The following CIT variants were observed in gnomAD, a reference collection of about 807,000 sequenced individuals.
CIT encodes the protein citron Rho-interacting kinase.
In CIT, 79 loss-of-function variants were observed where a neutral mutation model predicts 272.7. That is an observed-to-expected ratio of 0.29 (90% CI 0.24 to 0.35). CIT has a LOEUF of 0.35. CIT is among the 10% of genes least tolerant of loss of function. The probability of loss-of-function intolerance (pLI) is 1.00; values close to 1 mark genes in which losing one functional copy is unlikely to be tolerated. For synonymous variants in CIT, 948 were observed against 995.6 expected, an observed-to-expected ratio of 0.95 and a Z score of 0.90; for missense variants, 1,909 against 2,618.3, an observed-to-expected ratio of 0.73 and a Z score of 5.91.
intron 4 of CIT, among the ~76,000 whole-genome samples, chr12:119,855,289 G>A (rs1376139525): frequency 2.0e-5 from 3 of 152,020 alleles, no homozygotes; most frequent in Non-Finnish European, 4.4e-5. Context: ...CGGGCATTGT[G>A]GCAGGCGCCT....
intron 26 of CIT, among the ~76,000 whole-genome samples, chr12:119,732,712 A>T (rs278107): frequency 0.31 from 46,606 of 152,118 alleles, 7,648 homozygotes; most frequent in African/African-American, 0.4. Context: ...GCCAAGCAAA[A>T]GTGAGAGATA....
chr12:119,689,665 TC>T (rs1565887359), intron 47 of CIT, among the ~76,000 whole-genome samples: 2 of 127,144 alleles, frequency 1.6e-5, no homozygotes, highest in African/African-American at 3.1e-5. Context: ...CTTAGGAAGC[TC>T]TTTTTTTTTT....
chr12:119,792,283 T>C (rs1008694308), intron 10 of CIT, among the ~76,000 whole-genome samples: 3 of 152,146 alleles, frequency 2.0e-5, no homozygotes, highest in African/African-American at 7.2e-5. Flanking sequence ...ATGAGTATAC[T>C]TGAAGCCAAA....
At chr12:119,733,099 T>C (rs1047630540) in intron 26 of CIT, among the ~76,000 whole-genome samples, 7 of 152,072 alleles carry the variant, frequency 4.6e-5, no homozygotes, top group African/African-American at 1.2e-4. Flanking sequence ...CTTAGAACTA[T>C]GGAGTATGCA....
At chr12:119,716,378 C>CAAAAAAAAAAAAAAAAA in intron 32 of CIT, among the ~76,000 whole-genome samples, 1 of 17,804 alleles carries the variant, frequency 5.6e-5, no homozygotes, top group Non-Finnish European at 9.9e-5. Context: ...GACTCTGTCT[C>CAAAAAAAAAAAAAAAAA]AAAAAAAAAA....
At position 119,697,628 on chromosome 12, in the gene CIT, CT is replaced by C. The variant is rs1334375174; in HGVS notation, c.5882+30del. On this transcript the variant is annotated intron_variant, in intron 46 of 47. Coordinates refer to ENST00000392521, the MANE Select transcript of CIT (RefSeq NM_001206999.2). The surrounding 1 kb of genome is among the most constrained non-coding windows in gnomAD (Gnocchi z 4.9). ...TGCCTTGCAGAAAAGCACGTTGCCC[CT>C]GGTACTGAGGAAGAGGAGAAGCTGG... 1 of 1,607,650 alleles carries C rather than the reference CT, an allele frequency of 6.2e-7. No homozygotes were observed. The highest frequency in any genetic ancestry group is 8.5e-7 in the Non-Finnish European group (1 of 1,176,896).
chr12:119,822,597 A>G (rs569737846), intron 9 of CIT, among the ~76,000 whole-genome samples: 1 of 152,364 alleles, frequency 6.6e-6, no homozygotes, highest in African/African-American at 2.4e-5. Context: ...TAAAGGCCAC[A>G]TAAACACAGA....
In CIT at chr12:119,712,664, C is replaced by T; in HGVS notation, c.4611G>A (p.Leu1537=). 1 of 1,614,136 alleles carries T rather than the reference C, an allele frequency of 6.2e-7. No individual in the cohort carries two copies. The highest frequency in any genetic ancestry group is 8.5e-7 in the Non-Finnish European group (1 of 1,180,026). Residue 1537 remains leucine (L), a synonymous_variant, in exon 36 of 48, where the codon CTG becomes CTA. Transcript: ENST00000392521. This position sits in a 1 kb window ranked among gnomAD's most constrained non-coding sequence, Gnocchi z 5.2. The part of the protein sequence containing the change: ...AGQRPVEEFE[L]CLPDGDVSIH... ...TAGATACATCCCCGTCGGGAAGGCA[C>T]AGCTCAAATTCTTCCACCGGCCTCT...
At position 119,765,469 on chromosome 12, in the gene CIT, C is replaced by CTT. The variant is rs34623472; in HGVS notation, c.2304+1616_2304+1617dup. On this transcript the variant is annotated intron_variant, in intron 19 of 47. Transcript: ENST00000392521. The stretch of plus-strand genomic sequence containing the variant: ...AATAAGATAAGTAAAAAGAAACAGA[C>CTT]TTTTTTTTTTTTTTTTTTTGAGACA... 5.9e-3 allele frequency among the ~76,000 whole-genome samples: 680 copies of CTT among 115,416 alleles called. 19 individuals carry two copies. Among genetic ancestry groups the CTT allele is most frequent in the African/African-American group, 0.02 (587 of 29,532 alleles). The allele number at this position is 115,416 out of a possible 152,430, so 75.7% of individuals were successfully genotyped here. A position where few individuals can be genotyped will look rare whatever the true frequency, so the allele number is the denominator to read the frequency against.
intron 9 of CIT, among the ~76,000 whole-genome samples, chr12:119,808,822 C>CA (rs148220634): frequency 6.6e-6 from 1 of 151,864 alleles, no homozygotes; most frequent in Non-Finnish European, 1.5e-5. Flanking sequence ...GGAAGAGTAC[C>CA]AAAAAAATAG....
chr12:119,725,326 T>C (rs997630106), intron 28 of CIT, among the ~76,000 whole-genome samples: 3 of 152,012 alleles, frequency 2.0e-5, no homozygotes, highest in Non-Finnish European at 4.4e-5. Flanking sequence ...CTCGGGAGGC[T>C]GAGGCAGGAG....
rs58685524 is a variant in CIT at position 119,829,344 on chromosome 12, AAGAAGAGAAGAGAAGAGAAGAGAAG to A, written c.753+3402_753+3426del. ...AGAGCAAGACTCTGTCTTGAAAGAA[AAGAAGAGAAGAGAAGAGAAGAGAAG>A]AGAAGAGAAGAGAAGAGAAGAGAAG... On this transcript the variant is annotated intron_variant, in intron 7 of 47. Transcript: ENST00000392521. 4.4e-3 allele frequency among the ~76,000 whole-genome samples: 588 copies of A among 133,426 alleles called. 1 individual carries two copies. The highest frequency in any genetic ancestry group is 0.015 in the Middle Eastern group (4 of 272). 87.5% of individuals were successfully genotyped at this position (133,426 alleles called of 152,430 possible).
intron 21 of CIT, among the ~76,000 whole-genome samples, chr12:119,758,384 T>A (rs543030695): frequency 6.6e-6 from 1 of 152,122 alleles, no homozygotes; most frequent in Non-Finnish European, 1.5e-5. Flanking sequence ...TGATGGTAAT[T>A]GAAGGCATTT....
intron 7 of CIT, among the ~76,000 whole-genome samples, chr12:119,827,902 C>T (rs527442637): frequency 1.4e-4 from 22 of 152,292 alleles, no homozygotes; most frequent in Non-Finnish European, 3.2e-4. Context: ...ACCATTTGCA[C>T]TTACTGGATT....
In CIT at chr12:119,690,029, A is replaced by G. The variant is rs184031648; in HGVS notation, c.6186+122T>C. The G allele has an allele frequency of 1.7e-4, 166 of 964,212 alleles. 1 individual carries two copies. In the African/African-American group the frequency reaches 2.5e-3, roughly 14 times the overall value. 59.7% of individuals were successfully genotyped at this position (964,212 alleles called of 1,614,324 possible). A position where few individuals can be genotyped will look rare whatever the true frequency, so the allele number is the denominator to read the frequency against. ...TTCTTCCTAAATTCCTGTGTCTCGC[A>G]AAGTCTGAATTACAGTCATGGAGTT... On this transcript the variant is annotated intron_variant, in intron 47 of 47. Coordinates refer to ENST00000392521, the MANE Select transcript of CIT (RefSeq NM_001206999.2). This position sits in a 1 kb window ranked among gnomAD's most constrained non-coding sequence, Gnocchi z 6.0.
chr12:119,779,249 G>A (rs1226137372), intron 13 of CIT, among the ~76,000 whole-genome samples: 1 of 151,976 alleles, frequency 6.6e-6, no homozygotes, highest in Non-Finnish European at 1.5e-5. Context: ...TTAATTCACA[G>A]GCCAGAACAT....
At chr12:119,835,589 A>G (rs1474046480) in intron 5 of CIT, among the ~76,000 whole-genome samples, 2 of 152,220 alleles carry the variant, frequency 1.3e-5, no homozygotes, top group Non-Finnish European at 2.9e-5. Context: ...AAAAGGCAAG[A>G]TCTGAATATA....
chr12:119,718,671 G>T lies in CIT; in HGVS notation c.4003+28C>A. 1.9e-6 allele frequency: 3 copies of T among 1,611,872 alleles called. No individual in the cohort carries two copies. In the South Asian group the frequency reaches 3.3e-5, roughly 18 times the overall value. On this transcript the variant is annotated intron_variant, in intron 31 of 47. Transcript: ENST00000392521. The surrounding 1 kb of genome is among the most constrained non-coding windows in gnomAD (Gnocchi z 4.8). ...AATCCTCTGCCTTTTCCACATCCTT[G>T]AGCATTTTGGAGAGAGTGAGCCCCT...
In CIT at chr12:119,805,091, T is replaced by C. The variant is rs556127531; in HGVS notation, c.1112-1702A>G. Among the ~76,000 whole-genome samples, 3 of 152,342 alleles carry C rather than the reference T, an allele frequency of 2.0e-5. No homozygotes were observed. The East Asian group carries it at 5.8e-4, about 29-fold the overall frequency. Reference sequence around the variant, plus strand: ...TTTTTAATAGCAAAAAAAAAAGTTTTAATGGAAATTGTATTTCATAAGGAT... The same window carrying C: ...TTTTTAATAGCAAAAAAAAAAGTTTCAATGGAAATTGTATTTCATAAGGAT... On this transcript the variant is annotated intron_variant, in intron 9 of 47. Transcript: ENST00000392521.
Sources: gnomAD v4.1 joint callset for allele counts (sites outside exome capture counted in the v4.1 genomes callset) on GRCh38, gnomAD v4.1.1 for gene constraint, Gnocchi (gnomAD v3.1) non-coding constraint, MANE v1.5 for transcripts, NCBI Gene and HGNC (gene_info 2026-07-23, HGNC 2026-07-21) for gene names.